The following RHOH variants were observed in gnomAD, a reference collection of about 807,000 sequenced individuals.
RHOH encodes the protein ras homolog family member H, also known as rho-related GTP-binding protein RhoH.
Under a neutral mutation model 13.8 loss-of-function variants are expected in RHOH, and 6 were observed. That is an observed-to-expected ratio of 0.44 (90% CI 0.24 to 0.86). RHOH has a LOEUF of 0.86. Ranked by LOEUF, RHOH falls within the 40% of genes least tolerant of loss-of-function variation. The pLI is 0.24. For synonymous variants in RHOH, 117 were observed against 103.0 expected (o/e 1.14, Z -0.82); for missense variants, 147 against 244.5 (o/e 0.60, Z 2.66).
intron 1 of RHOH, among the ~76,000 whole-genome samples, chr4:40,210,818 A>G (rs1358487563): frequency 6.6e-6 from 1 of 152,216 alleles, no homozygotes; most frequent in Admixed American, 6.5e-5. Context: ...TACATACAGC[A>G]TATATGCAGA....
chr4:40,206,924 T>A (rs1177006346), intron 1 of RHOH, among the ~76,000 whole-genome samples: 1 of 152,164 alleles, frequency 6.6e-6, no homozygotes, highest in Admixed American at 6.5e-5. Context: ...AAAATTGCCA[T>A]CAGGCTGGGC....
rs546640098 is a variant in RHOH at position 40,207,108 on chromosome 4, G to A, written c.-331+9808G>A. ...TTTAATCCCAGCTACTCGGGAGGCT[G>A]AGGCAGGGAATTGCTTGAACCTGGG... is the stretch of plus-strand genomic sequence containing the variant. On this transcript the variant is annotated intron_variant, in intron 1 of 2. Transcript: ENST00000381799. Among the ~76,000 whole-genome samples, 34 of 152,090 alleles carry A rather than the reference G, an allele frequency of 2.2e-4. 1 individual carries two copies. In the South Asian group the frequency reaches 6.4e-3, roughly 29 times the overall value.
chr4:40,223,689 A>G (rs574699264), intron 1 of RHOH, among the ~76,000 whole-genome samples: 3 of 151,512 alleles, frequency 2.0e-5, no homozygotes, highest in African/African-American at 7.3e-5. Flanking sequence ...CTGTATTGTT[A>G]GCATTTTTAA....
At chr4:40,235,076 G>A (rs892819864) in intron 1 of RHOH, 7 of 152,214 alleles carry the variant, frequency 4.6e-5, no homozygotes, top group Non-Finnish European at 7.3e-5. Context: ...TCAGATTGGT[G>A]AAATAAATTC....
At chr4:40,236,801 A>AG (rs1728637466) in intron 1 of RHOH, among the ~76,000 whole-genome samples, 1 of 151,892 alleles carries the variant, frequency 6.6e-6, no homozygotes, top group Non-Finnish European at 1.5e-5. Flanking sequence ...AAAAAAAAAA[A>AG]GTAACTTACC....
chr4:40,198,029 T>C (rs1304186708), intron 1 of RHOH, among the ~76,000 whole-genome samples: 1 of 152,214 alleles, frequency 6.6e-6, no homozygotes, highest in African/African-American at 2.4e-5. Flanking sequence ...GTGGAGGATA[T>C]AAGAGAAATA....
chr4:40,239,632 A>T (rs991324845), intron 1 of RHOH, among the ~76,000 whole-genome samples: 2 of 152,176 alleles, frequency 1.3e-5, no homozygotes, highest in Non-Finnish European at 2.9e-5. Context: ...TAATCCCAGC[A>T]CTTTGGGAGG....
chr4:40,221,569 G>T (rs923642792), intron 1 of RHOH, among the ~76,000 whole-genome samples: 1 of 152,124 alleles, frequency 6.6e-6, no homozygotes, highest in Non-Finnish European at 1.5e-5. Context: ...TTGTTTTGGG[G>T]CACGATGAAT....
chr4:40,239,545 A>G (rs1054651379), intron 1 of RHOH, among the ~76,000 whole-genome samples: 33 of 152,316 alleles, frequency 2.2e-4, no homozygotes, highest in Admixed American at 1.0e-3. Context: ...TGTGTTTACT[A>G]TGTACATACA....
At position 40,243,781 on chromosome 4, in the gene RHOH, A is replaced by T. The variant is rs1729555779; in HGVS notation, c.395A>T (p.Asn132Ile). The T allele has an allele frequency of 6.2e-7, 1 of 1,614,008 alleles. No homozygotes were observed. The highest frequency in any genetic ancestry group is 8.5e-7 in the Non-Finnish European group (1 of 1,180,028). ...EMGPHRASCV[N>I]AMEGKKLAQD... ...GGGCCCCACAGGGCCTCCTGCGTCA[A>T]TGCCATGGAAGGGAAGAAACTGGCC... The change falls in exon 3 of 3, where the codon AAT becomes ATT. Residue 132 changes from asparagine (N) to isoleucine (I), a missense_variant. Coordinates refer to ENST00000381799, the MANE Select transcript of RHOH (RefSeq NM_004310.5). This position sits in a 1 kb window ranked among gnomAD's most constrained non-coding sequence, Gnocchi z 6.2.
chr4:40,236,651 C>T (rs764922534), intron 1 of RHOH, among the ~76,000 whole-genome samples: 2 of 151,812 alleles, frequency 1.3e-5, no homozygotes, highest in African/African-American at 2.4e-5. Flanking sequence ...ATTAGCTGGG[C>T]GTGGTGGTGT....
chr4:40,206,103 C>G (rs1018590229), intron 1 of RHOH, among the ~76,000 whole-genome samples: 5 of 152,230 alleles, frequency 3.3e-5, no homozygotes, highest in Non-Finnish European at 7.3e-5. Flanking sequence ...CCTCTTACCT[C>G]CTGGAGATTA....
intron 1 of RHOH, among the ~76,000 whole-genome samples, chr4:40,204,839 A>G (rs1292715534): frequency 6.6e-6 from 1 of 152,198 alleles, no homozygotes; most frequent in Non-Finnish European, 1.5e-5. Context: ...ACATATGATT[A>G]ATGCTCTAAA....
intron 1 of RHOH, among the ~76,000 whole-genome samples, chr4:40,201,750 A>C (rs968531800): frequency 6.6e-5 from 10 of 152,108 alleles, no homozygotes; most frequent in Non-Finnish European, 1.0e-4. Context: ...CAATTTGACG[A>C]TATGTATCAA....
chr4:40,235,238 A>T (rs984207050), intron 1 of RHOH: 1 of 152,232 alleles, frequency 6.6e-6, no homozygotes, highest in African/African-American at 2.4e-5. Context: ...ATTTTCACAA[A>T]CTGCACACAC....
intron 1 of RHOH, among the ~76,000 whole-genome samples, chr4:40,217,536 A>T (rs1193281612): frequency 6.6e-6 from 1 of 152,172 alleles, no homozygotes; most frequent in Non-Finnish European, 1.5e-5. Context: ...AAAAATCAGG[A>T]TTACGTTGCA....
At chr4:40,195,616 A>C (rs111342941), upstream of RHOH, among the ~76,000 whole-genome samples, 45 of 152,042 alleles carry the variant, frequency 3.0e-4, no homozygotes, top group African/African-American at 1.0e-3. Context: ...GTGGTTGCCC[A>C]GCTAATTTTT....
intron 1 of RHOH, among the ~76,000 whole-genome samples, chr4:40,217,170 A>T (rs972177372): frequency 6.6e-6 from 1 of 152,136 alleles, no homozygotes. Flanking sequence ...CCTCTGTCAG[A>T]TGTGGCAGGA....
intron 1 of RHOH, chr4:40,209,328 G>T (rs1724994740): frequency 6.6e-6 from 1 of 152,156 alleles, no homozygotes; most frequent in Non-Finnish European, 1.5e-5. Context: ...TTTAAAATAT[G>T]AGATAATTAG....
Sources: gnomAD v4.1 joint callset for allele counts (sites outside exome capture counted in the v4.1 genomes callset) on GRCh38, gnomAD v4.1.1 for gene constraint, Gnocchi (gnomAD v3.1) non-coding constraint, MANE v1.5 for transcripts, NCBI Gene and HGNC (gene_info 2026-07-23, HGNC 2026-07-21) for gene names.